The following IHO1 variants were observed in gnomAD, a reference collection of about 807,000 sequenced individuals.
IHO1 encodes the protein interactor of HORMAD1 protein 1.
A neutral mutation model predicts 31.0 loss-of-function variants in IHO1; 13 were observed. The ratio of observed to expected loss-of-function variants is 0.42; its 90% CI spans 0.27 to 0.67. The LOEUF is 0.67. Ranked by LOEUF, IHO1 falls within the 30% of genes least tolerant of loss-of-function variation. The pLI, the probability that IHO1 is intolerant of heterozygous loss-of-function variation, is 0.24. For synonymous variants in IHO1, 221 were observed against 248.4 expected (o/e 0.89, Z 1.04); for missense variants, 599 against 687.5 (o/e 0.87, Z 1.44).
chr3:49,194,446 G>A (rs2045985822), upstream of IHO1, among the ~76,000 whole-genome samples: 1 of 145,998 alleles, frequency 6.8e-6, no homozygotes, highest in Admixed American at 6.8e-5. Flanking sequence ...TGGGACTACA[G>A]GTGCCCACCA....
Position 49,211,959 on chromosome 3 carries a change from A to G in IHO1, c.56+123A>G, listed in dbSNP as rs983651150. 166 of 587,492 alleles carry G rather than the reference A, an allele frequency of 2.8e-4. 1 individual carries two copies. The Middle Eastern group carries it at 3.4e-3, about 12-fold the overall frequency. The allele number at this position is 587,492 out of a possible 1,614,324, so 36.4% of individuals were successfully genotyped here. On this transcript the variant is annotated intron_variant, in intron 2 of 7. Coordinates refer to ENST00000452691, the MANE Select transcript of IHO1 (RefSeq NM_001135197.2). ...GGGCAGATCACAAGATCAGGAGATCAGGACCATCCTGGCTAACACGGTGAA... is the reference window on the plus strand; with the variant it reads ...GGGCAGATCACAAGATCAGGAGATCGGGACCATCCTGGCTAACACGGTGAA...
Position 49,256,459 on chromosome 3 carries a change from G to T in IHO1, c.962G>T (p.Trp321Leu), listed in dbSNP as rs1248351090. 1 of 1,614,174 alleles carries T rather than the reference G, an allele frequency of 6.2e-7. No homozygotes were observed. Among genetic ancestry groups the T allele is most frequent in the African/African-American group, 1.3e-5 (1 of 75,034 alleles). The change falls in exon 8 of 8, where the codon TGG becomes TTG. Residue 321 changes from tryptophan (W) to leucine (L), a missense_variant. By Grantham distance (61) the Trp-to-Leu change is moderately conservative. Coordinates refer to ENST00000452691, the MANE Select transcript of IHO1 (RefSeq NM_001135197.2). The surrounding 1 kb of genome is among the most constrained non-coding windows in gnomAD (Gnocchi z 4.6). ...GSLQPGEFDV[W>L]GEGAKNDDLQ... is the part of the protein sequence containing the mutation. ...CTACAGCCTGGAGAATTTGATGTCT[G>T]GGGTGAAGGAGCAAAGAATGATGAT...
At chr3:49,196,612 AGCTGGG>A (rs2045998002), upstream of IHO1, among the ~76,000 whole-genome samples, 1 of 151,714 alleles carries the variant, frequency 6.6e-6, no homozygotes, top group African/African-American at 2.4e-5. Context: ...CCTCCCCAGT[AGCTGGG>A]ATTACAGGCG....
rs1410909774 is a variant in IHO1, at chr3:49,257,341, C to T, written c.*59C>T. ...AAAGAGAAATTGCAGGACATTTGGG[C>T]TGGCCAACAGCAGAAAGTCCCTGAA... On this transcript the variant is annotated 3_prime_UTR_variant, in exon 8 of 8. Coordinates refer to ENST00000452691, the MANE Select transcript of IHO1 (RefSeq NM_001135197.2). The T allele has an allele frequency of 7.2e-6, 11 of 1,523,136 alleles. No individual in the cohort carries two copies. Among genetic ancestry groups the T allele is most frequent in the African/African-American group, 1.4e-5 (1 of 72,856 alleles). The allele number at this position is 1,523,136 out of a possible 1,614,324, so 94.4% of individuals were successfully genotyped here.
Position 49,256,061 on chromosome 3 carries a change from C to T in IHO1, c.637-73C>T. On this transcript the variant is annotated intron_variant, in intron 7 of 7. Coordinates refer to ENST00000452691, the MANE Select transcript of IHO1 (RefSeq NM_001135197.2). The surrounding 1 kb of genome is among the most constrained non-coding windows in gnomAD (Gnocchi z 4.6). ...TGGTTCTGCTGTCACATCCATTGGT[C>T]TGTTCTCATGTTTTATTGTGCTTTC... The T allele has an allele frequency of 7.7e-7, 1 of 1,296,748 alleles. No individual in the cohort carries two copies. The highest frequency in any genetic ancestry group is 1.1e-6 in the Non-Finnish European group (1 of 930,028). The allele number at this position is 1,296,748 out of a possible 1,614,324, so 80.3% of individuals were successfully genotyped here.
At chr3:49,245,840 T>C (rs2046686897) in intron 6 of IHO1, 1 of 152,224 alleles carries the variant, frequency 6.6e-6, no homozygotes, top group South Asian at 2.1e-4. Flanking sequence ...TACTGTCTGC[T>C]GGATTTCAAC....
chr3:49,204,719 G>A (rs183306674), intron 1 of IHO1, among the ~76,000 whole-genome samples: 2 of 152,200 alleles, frequency 1.3e-5, no homozygotes, highest in East Asian at 3.9e-4. Flanking sequence ...GTGAAAGCAA[G>A]TTTATTAAGA....
intron 2 of IHO1, among the ~76,000 whole-genome samples, chr3:49,214,868 G>A (rs1368678799): frequency 6.6e-6 from 1 of 151,258 alleles, no homozygotes; most frequent in Non-Finnish European, 1.5e-5. Context: ...TCAAACAACT[G>A]ACCTCAGGTG....
intron 2 of IHO1, among the ~76,000 whole-genome samples, chr3:49,230,981 C>G (rs2046475199): frequency 6.6e-6 from 1 of 152,122 alleles, no homozygotes; most frequent in South Asian, 2.1e-4. Flanking sequence ...CCATAAGGCT[C>G]AAATAAATAG....
chr3:49,255,345 C>CAT, intron 6 of IHO1, 45 bp from the exon 7 acceptor site: 1 of 1,359,364 alleles, frequency 7.4e-7, no homozygotes, highest in Non-Finnish European at 1.0e-6. Context: ...TGGGACATAC[C>CAT]ATACATAGTC....
chr3:49,204,749 G>T (rs901258366), intron 1 of IHO1, among the ~76,000 whole-genome samples: 1 of 152,206 alleles, frequency 6.6e-6, no homozygotes, highest in Non-Finnish European at 1.5e-5. Context: ...ACTGGGCCGG[G>T]CGTGGTGGCT....
chr3:49,211,729 G>C (rs2046219047), intron 1 of IHO1, 37 bp from the exon 2 acceptor site: 2 of 1,024,864 alleles, frequency 2.0e-6, no homozygotes, highest in Admixed American at 3.7e-5. Flanking sequence ...AAATTATACT[G>C]TTAACTTTCT....
intron 2 of IHO1, among the ~76,000 whole-genome samples, chr3:49,234,101 C>T (rs1359100806): frequency 1.4e-5 from 2 of 146,878 alleles, no homozygotes; most frequent in Admixed American, 6.8e-5. Flanking sequence ...GAAAAGCATG[C>T]TTTCTCAGGT....
At chr3:49,200,475 A>AGAAAAGAAAGAAAGAAAGAAAGAAAG (rs1553615441) in intron 1 of IHO1, 1 of 103,858 alleles carries the variant, frequency 9.6e-6, no homozygotes, top group Non-Finnish European at 1.3e-5. Flanking sequence ...AAAAAAAAAA[A>AGAAAAGAAAGAAAGAAAGAAAGAAAG]AAAGAAAGAA....
rs947626865 is a variant in IHO1 at position 49,199,521 on chromosome 3, C to T, written c.-68C>T. The T allele has an allele frequency of 1.3e-5, 2 of 152,186 alleles. No homozygotes were observed. The highest frequency in any genetic ancestry group is 2.9e-5 in the Non-Finnish European group (2 of 68,136). 9.4% of individuals were successfully genotyped at this position (152,186 alleles called of 1,614,324 possible). ...TTGCAGAGGCAGCGGGACGCGGCCA[C>T]CTCGAAGCCACGTCAGGGCAGCCCC... is the stretch of plus-strand genomic sequence containing the variant. On this transcript the variant is annotated 5_prime_UTR_variant, in exon 1 of 8. Coordinates refer to ENST00000452691, the MANE Select transcript of IHO1 (RefSeq NM_001135197.2).
chr3:49,224,062 T>C (rs2046387861), intron 2 of IHO1, among the ~76,000 whole-genome samples: 1 of 152,196 alleles, frequency 6.6e-6, no homozygotes, highest in Non-Finnish European at 1.5e-5. Context: ...GATGAGTGTT[T>C]TCAATACCCA....
chr3:49,239,854 T>C (rs1015358351), intron 3 of IHO1, among the ~76,000 whole-genome samples: 3 of 150,900 alleles, frequency 2.0e-5, no homozygotes, highest in African/African-American at 4.9e-5. Flanking sequence ...AGAGACGGGG[T>C]TTCTCCATGT....
intron 3 of IHO1, among the ~76,000 whole-genome samples, chr3:49,239,703 C>T (rs1308208144): frequency 4.9e-5 from 7 of 143,014 alleles, no homozygotes; most frequent in African/African-American, 1.3e-4. Context: ...GCTCTGGTTG[C>T]CCAGACTGGA....
rs573115278 is a variant in IHO1, at chr3:49,200,374, A to G, written c.-16+801A>G. 7.9e-5 allele frequency among the ~76,000 whole-genome samples: 12 copies of G among 151,610 alleles called. No individual in the cohort carries two copies. In the Admixed American group the frequency reaches 7.9e-4, roughly 10 times the overall value. On this transcript the variant is annotated intron_variant, in intron 1 of 7. Transcript: ENST00000452691. ...CAGCTACTTGGGAGGCTGAGGCAGG[A>G]GAATCACTAGAACCTGGGAGGCGGA...
Sources: allele counts gnomAD v4.1 joint callset (sites outside exome capture counted in the v4.1 genomes callset), GRCh38; gene constraint gnomAD v4.1.1; non-coding constraint Gnocchi (gnomAD v3.1); transcripts MANE v1.5; gene names NCBI Gene and HGNC (gene_info 2026-07-23, HGNC 2026-07-21).